The following UTRN variants were observed in gnomAD, a reference collection of about 807,000 sequenced individuals.
UTRN encodes the protein utrophin, also known as dystrophin-related protein 1.
A neutral mutation model predicts 463.9 loss-of-function variants in UTRN; 283 were observed. The ratio of observed to expected loss-of-function variants is 0.61; its 90% CI spans 0.55 to 0.67. The LOEUF (loss-of-function observed/expected upper bound fraction) is 0.67. Ranked by LOEUF, UTRN falls within the 30% of genes least tolerant of loss-of-function variation. The probability of loss-of-function intolerance (pLI) is 0.00; values close to 1 mark genes in which losing one functional copy is unlikely to be tolerated. For synonymous variants in UTRN, 1,442 were observed against 1,431.5 expected, an observed-to-expected ratio of 1.01 and a Z score of -0.17; for missense variants, 3,922 against 4,084.3, an observed-to-expected ratio of 0.96 and a Z score of 1.08.
intron 69 of UTRN, 118 bp from the exon 70 acceptor site, chr6:144,835,662 C>A: frequency 7.3e-7 from 1 of 1,375,728 alleles, no homozygotes; most frequent in Non-Finnish European, 9.9e-7. Context: ...AGACACTGAG[C>A]TCTAAGACAA....
chr6:144,309,800 G>A (rs1012033501), intron 2 of UTRN, among the ~76,000 whole-genome samples: 5 of 152,132 alleles, frequency 3.3e-5, no homozygotes, highest in African/African-American at 7.2e-5. Flanking sequence ...TAATAAACGC[G>A]AAAGACCTTA....
intron 52 of UTRN, among the ~76,000 whole-genome samples, chr6:144,679,275 T>C (rs1781971777): frequency 6.6e-6 from 1 of 152,102 alleles, no homozygotes; most frequent in Non-Finnish European, 1.5e-5. Context: ...ATGATTAGTG[T>C]TATTGGGATC....
intron 3 of UTRN, among the ~76,000 whole-genome samples, chr6:144,421,606 G>A (rs906632002): frequency 4.6e-5 from 7 of 151,682 alleles, no homozygotes; most frequent in African/African-American, 9.7e-5. Context: ...GGAGAATGGC[G>A]TGAACCCTGG....
intron 2 of UTRN, among the ~76,000 whole-genome samples, chr6:144,302,097 G>A (rs931137284): frequency 1.3e-5 from 2 of 152,110 alleles, no homozygotes; most frequent in Admixed American, 6.6e-5. Context: ...TCTTTCCCAC[G>A]TGTTCACTCT....
intron 14 of UTRN, 150 bp from the exon 15 acceptor site, chr6:144,447,061 G>A (rs1217202063): frequency 3.2e-6 from 2 of 628,848 alleles, no homozygotes; most frequent in African/African-American, 1.8e-5. Flanking sequence ...TGGGTCATTT[G>A]TGCCTCAGAC....
chr6:144,539,538 C>A, intron 45 of UTRN, 95 bp downstream of exon 45: 1 of 1,282,792 alleles, frequency 7.8e-7, no homozygotes, highest in Non-Finnish European at 1.0e-6. Flanking sequence ...CAAGTATGTC[C>A]AAATGGGGCA....
intron 53 of UTRN, among the ~76,000 whole-genome samples, chr6:144,705,408 T>C (rs1784989017): frequency 6.6e-6 from 1 of 152,172 alleles, no homozygotes; most frequent in Admixed American, 6.5e-5. Flanking sequence ...TTATAAACAA[T>C]AGAAATTTAT....
chr6:144,786,388 C>T (rs1002289624), intron 61 of UTRN, among the ~76,000 whole-genome samples: 4 of 152,128 alleles, frequency 2.6e-5, no homozygotes, highest in Admixed American at 1.3e-4. Context: ...CTGGTTCAAG[C>T]GATTTTCCTG....
intron 53 of UTRN, among the ~76,000 whole-genome samples, chr6:144,707,501 G>A (rs1785215380): frequency 6.6e-6 from 1 of 152,114 alleles, no homozygotes; most frequent in South Asian, 2.1e-4. Flanking sequence ...GACTCAGTGA[G>A]GCTATTAATT....
chr6:144,403,095 T>TC, intron 2 of UTRN, 28 bp from the exon 3 acceptor site: 1 of 1,603,342 alleles, frequency 6.2e-7, no homozygotes, highest in South Asian at 1.1e-5. Flanking sequence ...TCATACTTTT[T>TC]CCTTCTCTTT....
At chr6:144,683,835 C>T (rs1325341906) in intron 52 of UTRN, among the ~76,000 whole-genome samples, 2 of 152,142 alleles carry the variant, frequency 1.3e-5, no homozygotes, top group East Asian at 3.9e-4. Flanking sequence ...CCAGAAAACA[C>T]TGGCTGAAAA....
intron 42 of UTRN, among the ~76,000 whole-genome samples, chr6:144,532,505 G>A (rs1031857637): frequency 7.9e-5 from 12 of 152,280 alleles, no homozygotes; most frequent in African/African-American, 2.6e-4. Flanking sequence ...AACAACACGA[G>A]GGTAACCACC....
chr6:144,541,017 A>T (rs1230877673), intron 45 of UTRN, among the ~76,000 whole-genome samples: 1 of 152,176 alleles, frequency 6.6e-6, no homozygotes, highest in Non-Finnish European at 1.5e-5. Flanking sequence ...GCCTGCCATC[A>T]TCTCTTGTCT....
chr6:144,696,500 C>T (rs552852975), intron 52 of UTRN, among the ~76,000 whole-genome samples: 16 of 152,280 alleles, frequency 1.1e-4, no homozygotes, highest in South Asian at 1.0e-3. Flanking sequence ...TTTTCAGCAC[C>T]GTCAGACTGA....
At chr6:144,642,510 A>G (rs900636216) in intron 51 of UTRN, among the ~76,000 whole-genome samples, 1 of 152,196 alleles carries the variant, frequency 6.6e-6, no homozygotes, top group Non-Finnish European at 1.5e-5. Context: ...TTGTGCTGCA[A>G]ATGGCTCCAT....
chr6:144,493,485 CTCTG>C, intron 33 of UTRN, 29 bp downstream of exon 33: 1 of 1,592,870 alleles, frequency 6.3e-7, no homozygotes, highest in Middle Eastern at 1.7e-4. Flanking sequence ...CAGCTCATCT[CTCTG>C]TCTCTCTCTC....
intron 51 of UTRN, among the ~76,000 whole-genome samples, chr6:144,582,579 T>C (rs764425899): frequency 9.2e-5 from 14 of 152,204 alleles, no homozygotes; most frequent in Non-Finnish European, 1.9e-4. Flanking sequence ...GCAAATACAA[T>C]GAGATCATGA....
intron 2 of UTRN, among the ~76,000 whole-genome samples, chr6:144,338,740 C>T (rs1163107394): frequency 2.0e-5 from 3 of 151,912 alleles, no homozygotes; most frequent in African/African-American, 4.8e-5. Flanking sequence ...TGAGGGTGGG[C>T]GGGAGATGGA....
At chr6:144,512,352 G>A (rs1282386604) in intron 35 of UTRN, among the ~76,000 whole-genome samples, 1 of 151,912 alleles carries the variant, frequency 6.6e-6, no homozygotes, top group Non-Finnish European at 1.5e-5. Context: ...TATCTTTCTA[G>A]TGCTGTTAGA....
Sources: gnomAD v4.1 joint callset for allele counts (sites outside exome capture counted in the v4.1 genomes callset) on GRCh38, gnomAD v4.1.1 for gene constraint, MANE v1.5 for transcripts, NCBI Gene and HGNC (gene_info 2026-07-23, HGNC 2026-07-21) for gene names.